The following PMF1 variants were observed in gnomAD, a reference collection of about 807,000 sequenced individuals.
PMF1 encodes polyamine-modulated factor 1.
PMF1 carries 21 observed loss-of-function variants against 26.7 expected under a neutral mutation model. That is an observed-to-expected ratio of 0.79 (90% CI 0.56 to 1.13). The LOEUF is 1.13. Among genes scored for constraint, PMF1 ranks in the 50% most tolerant of loss-of-function variants. The pLI is 0.00. For synonymous variants in PMF1, 105 were observed against 101.0 expected (o/e 1.04, Z -0.24); for missense variants, 266 against 254.9 (o/e 1.04, Z -0.30).
At chr1:156,217,203 T>C (rs1195666581) in intron 1 of PMF1, among the ~76,000 whole-genome samples, 1 of 139,952 alleles carries the variant, frequency 7.1e-6, no homozygotes. Context: ...CTGCACAATG[T>C]GCACATGTAC....
chr1:156,227,131 G>A (rs957501736), intron 1 of PMF1, among the ~76,000 whole-genome samples: 4 of 152,178 alleles, frequency 2.6e-5, no homozygotes, highest in Admixed American at 1.3e-4. Context: ...CATTGCAGAC[G>A]GCATCCTTGT....
Position 156,238,361 on chromosome 1 carries a change from G to A in PMF1, c.565-1187G>A, listed in dbSNP as rs911537839. Among the ~76,000 whole-genome samples, 45 of 152,310 alleles carry A rather than the reference G, an allele frequency of 3.0e-4. 2 individuals are homozygous for A. Among genetic ancestry groups the A allele is most frequent in the Admixed American group, 7.8e-4 (12 of 15,296 alleles). ...CCACAATTGTGTGTCCTTTGAGGGC[G>A]AACTTAACTTTTGAAAGTGGCCCGA... On this transcript the variant is annotated intron_variant, in intron 4 of 4. Coordinates refer to ENST00000368277, the MANE Select transcript of PMF1 (RefSeq NM_007221.4).
chr1:156,232,223 C>G, intron 1 of PMF1, 97 bp from the exon 2 acceptor site: 1 of 1,042,560 alleles, frequency 9.6e-7, no homozygotes, highest in South Asian at 1.3e-5. Context: ...GTGGACAGAG[C>G]TCAGAGTCCT....
At chr1:156,234,582 C>T (rs1045669127) in intron 3 of PMF1, among the ~76,000 whole-genome samples, 6 of 151,650 alleles carry the variant, frequency 4.0e-5, no homozygotes, top group Admixed American at 1.3e-4. Context: ...GATCTTGGCT[C>T]ATTGCAACCT....
chr1:156,233,710 T>C lies in PMF1; in HGVS notation c.350T>C (p.Val117Ala). 6.2e-7 allele frequency: 1 copy of C among 1,612,982 alleles called. No individual in the cohort carries two copies. The highest frequency in any genetic ancestry group is 8.5e-7 in the Non-Finnish European group (1 of 1,179,686). The change falls in exon 3 of 5, where the codon GTC (valine) becomes GCC (alanine). Residue 117 changes from valine (V) to alanine (A), a missense_variant. Val to Ala is a moderately conservative substitution (Grantham distance 64). Coordinates refer to ENST00000368277, the MANE Select transcript of PMF1 (RefSeq NM_007221.4). ...ALDKIVEEGK[V>A]RKEPAWRPSG... is the part of the protein sequence containing the mutation. ...GATAAAATTGTGGAAGAAGGCAAAG[T>C]CCGCAAAGAGCCAGCCTGGTGAGAG...
At chr1:156,235,443 T>C (rs569514594) in intron 3 of PMF1, among the ~76,000 whole-genome samples, 2 of 135,758 alleles carry the variant, frequency 1.5e-5, no homozygotes, top group Non-Finnish European at 3.2e-5. Flanking sequence ...TAATTTTTTT[T>C]TTTTTTTTTT....
chr1:156,232,919 CTTT>C (rs57297712), intron 2 of PMF1, among the ~76,000 whole-genome samples: 6 of 114,308 alleles, frequency 5.2e-5, no homozygotes, highest in Admixed American at 2.0e-4. Flanking sequence ...TTTTTTCTTC[CTTT>C]TTTTTTTTTT....
At chr1:156,213,684 C>G in intron 1 of PMF1, among the ~76,000 whole-genome samples, 1 of 152,096 alleles carries the variant, frequency 6.6e-6, no homozygotes, top group East Asian at 1.9e-4. Flanking sequence ...CGTAAGCCCC[C>G]TCTCCCTCGT....
At chr1:156,233,050 A>G (rs1558195905) in intron 2 of PMF1, among the ~76,000 whole-genome samples, 1 of 150,970 alleles carries the variant, frequency 6.6e-6, no homozygotes, top group Non-Finnish European at 1.5e-5. Context: ...TTCCAGAATC[A>G]CTGGGACTGT....
At chr1:156,228,059 G>A (rs559598068) in intron 1 of PMF1, among the ~76,000 whole-genome samples, 80 of 150,972 alleles carry the variant, frequency 5.3e-4, no homozygotes, top group African/African-American at 1.8e-3. Flanking sequence ...CTCAGCCTCC[G>A]AAGTAGCTGG....
chr1:156,225,180 A>G (rs890612901), intron 1 of PMF1, among the ~76,000 whole-genome samples: 2 of 151,618 alleles, frequency 1.3e-5, no homozygotes, highest in African/African-American at 2.4e-5. Flanking sequence ...GATTACAGGC[A>G]TGAGCTACCA....
intron 1 of PMF1, among the ~76,000 whole-genome samples, chr1:156,218,833 T>G (rs116902958): frequency 6.6e-6 from 1 of 152,158 alleles, no homozygotes; most frequent in Non-Finnish European, 1.5e-5. Context: ...CGTTTTTTTT[T>G]AATCCTAATT....
At chr1:156,232,502 C>A in intron 2 of PMF1, 77 bp downstream of exon 2, 1 of 1,406,576 alleles carries the variant, frequency 7.1e-7, no homozygotes, top group Non-Finnish European at 1.0e-6. Flanking sequence ...AGGGCAGTGG[C>A]CCCACCCTCT....
intron 4 of PMF1, chr1:156,237,205 C>T (rs1182440424): frequency 6.6e-6 from 1 of 152,084 alleles, no homozygotes; most frequent in African/African-American, 2.4e-5. Context: ...TACATGTGCT[C>T]ATCACTGCAC....
intron 4 of PMF1, among the ~76,000 whole-genome samples, chr1:156,238,054 T>C (rs944409208): frequency 2.6e-5 from 4 of 152,234 alleles, no homozygotes; most frequent in Admixed American, 6.5e-5. Context: ...CCACTGTTTG[T>C]TCTTGACACC....
intron 1 of PMF1, among the ~76,000 whole-genome samples, chr1:156,228,288 T>TTTTTTTTTTTTTTTTTTC: frequency 7.0e-6 from 1 of 143,792 alleles, no homozygotes; most frequent in Non-Finnish European, 1.5e-5. Context: ...TTTTTTTTTT[T>TTTTTTTTTTTTTTTTTTC]AGTGTATCAC....
chr1:156,222,054 T>G (rs1658110470), intron 1 of PMF1, among the ~76,000 whole-genome samples: 4 of 152,204 alleles, frequency 2.6e-5, no homozygotes, highest in Non-Finnish European at 5.9e-5. Context: ...TTCTCCTGCT[T>G]AAAATGTTTA....
intron 2 of PMF1, among the ~76,000 whole-genome samples, 185 bp from the exon 3 acceptor site, chr1:156,233,443 C>T (rs1658831579): frequency 6.6e-6 from 1 of 151,954 alleles, no homozygotes; most frequent in South Asian, 2.1e-4. Flanking sequence ...CAGGCGTGAA[C>T]CACGACGCCC....
chr1:156,227,864 C>G (rs1658456071), intron 1 of PMF1, among the ~76,000 whole-genome samples: 1 of 151,698 alleles, frequency 6.6e-6, no homozygotes, highest in African/African-American at 2.4e-5. Context: ...CTCCTGGGCT[C>G]AAGTGATCCT....
Sources: gnomAD v4.1 joint callset for allele counts (sites outside exome capture counted in the v4.1 genomes callset) on GRCh38, gnomAD v4.1.1 for gene constraint, MANE v1.5 for transcripts, NCBI Gene and HGNC (gene_info 2026-07-23, HGNC 2026-07-21) for gene names.